Variants in CNTNAP5 observed in about 807,000 individuals in gnomAD.
The protein encoded by CNTNAP5 is contactin associated protein family member 5.
A neutral mutation model predicts 150.2 loss-of-function variants in CNTNAP5; 72 were observed. That is an observed-to-expected ratio of 0.48 (90% CI 0.40 to 0.58). CNTNAP5 has a LOEUF of 0.58. Among genes scored for constraint, CNTNAP5 ranks in the 20% least tolerant of loss-of-function variants. The pLI is 0.00. For synonymous variants in CNTNAP5, 672 were observed against 619.8 expected (o/e 1.08, Z -1.25); for missense variants, 1,636 against 1,626.2 (o/e 1.01, Z -0.10).
chr2:124,802,266 C>A (rs1355306140), intron 19 of CNTNAP5, among the ~76,000 whole-genome samples: 1 of 152,134 alleles, frequency 6.6e-6, no homozygotes, highest in African/African-American at 2.4e-5. Flanking sequence ...GAAAGAAGAT[C>A]AACGTGATTC....
intron 12 of CNTNAP5, among the ~76,000 whole-genome samples, chr2:124,641,687 G>T (rs571696583): frequency 3.9e-5 from 6 of 152,262 alleles, no homozygotes; most frequent in Admixed American, 3.3e-4. Context: ...ATTACAATAG[G>T]AGTATAAGTG....
chr2:124,377,165 T>A (rs955145094), intron 3 of CNTNAP5, among the ~76,000 whole-genome samples: 12 of 152,106 alleles, frequency 7.9e-5, no homozygotes, highest in African/African-American at 2.9e-4. Context: ...TAGACAGAAC[T>A]CAGGCTCACC....
At chr2:124,859,340 A>G (rs554886791) in intron 19 of CNTNAP5, among the ~76,000 whole-genome samples, 2 of 152,362 alleles carry the variant, frequency 1.3e-5, no homozygotes, top group East Asian at 3.9e-4. Flanking sequence ...AGAGAAATGC[A>G]AATCAAAACC....
In CNTNAP5 at chr2:124,554,405, T is replaced by C. The variant is rs76016874; in HGVS notation, c.1650-8812T>C. Among the ~76,000 whole-genome samples, 810 of 149,172 alleles carry C rather than the reference T, an allele frequency of 5.4e-3. 10 individuals are homozygous for C. The highest frequency in any genetic ancestry group is 0.019 in the African/African-American group (763 of 40,966). ...GATTTCAATTAAGGATCTAAATCAG[T>C]TGTCTCATACTTTTTTCTTTTTTTT... On this transcript the variant is annotated intron_variant, in intron 10 of 23. Coordinates refer to ENST00000682447, the MANE Select transcript of CNTNAP5 (RefSeq NM_001367498.1).
chr2:124,072,096 T>G (rs1283798483), intron 1 of CNTNAP5, among the ~76,000 whole-genome samples: 1 of 152,024 alleles, frequency 6.6e-6, no homozygotes, highest in Non-Finnish European at 1.5e-5. Context: ...TCAATCAGTG[T>G]GATACATCTT....
chr2:124,780,776 T>A (rs1681433082), intron 17 of CNTNAP5, among the ~76,000 whole-genome samples: 1 of 152,188 alleles, frequency 6.6e-6, no homozygotes, highest in Non-Finnish European at 1.5e-5. Flanking sequence ...AGAAATAAAC[T>A]GAAAGCTGAC....
chr2:124,581,049 A>G (rs1211961406), intron 11 of CNTNAP5, among the ~76,000 whole-genome samples: 4 of 152,166 alleles, frequency 2.6e-5, no homozygotes, highest in Non-Finnish European at 5.9e-5. Flanking sequence ...TGTGATGGAT[A>G]TGATAGGGAA....
At chr2:124,726,853 G>A (rs186357422) in intron 13 of CNTNAP5, among the ~76,000 whole-genome samples, 24 of 151,196 alleles carry the variant, frequency 1.6e-4, no homozygotes, top group Admixed American at 2.6e-4. Context: ...CAGTCCCTCT[G>A]GTTTATTTTT....
chr2:124,860,275 G>T (rs1374261298), intron 19 of CNTNAP5, among the ~76,000 whole-genome samples: 1 of 151,920 alleles, frequency 6.6e-6, no homozygotes, highest in African/African-American at 2.4e-5. Context: ...GTGTGAACCC[G>T]GGAGGCGGAG....
intron 12 of CNTNAP5, among the ~76,000 whole-genome samples, chr2:124,624,021 T>G (rs1504023): frequency 1.4e-4 from 22 of 152,010 alleles, no homozygotes; most frequent in Non-Finnish European, 2.6e-4. Context: ...TTTATGATGT[T>G]GACCAAAGTG....
chr2:124,661,693 T>C, intron 13 of CNTNAP5, among the ~76,000 whole-genome samples: 1 of 152,114 alleles, frequency 6.6e-6, no homozygotes, highest in East Asian at 1.9e-4. Flanking sequence ...CATAATTAAA[T>C]GTGCCATACT....
intron 13 of CNTNAP5, among the ~76,000 whole-genome samples, chr2:124,706,880 A>AAGAAGAGGAAGAGGAAGAAGG (rs140915064): frequency 0.026 from 1,199 of 46,040 alleles, 121 homozygotes; most frequent in Non-Finnish European, 0.038. Flanking sequence ...GAAAGGGAAG[A>AAGAAGAGGAAGAGGAAGAAGG]AGAAGAGGAA....
At chr2:124,111,182 A>C (rs1181371803) in intron 1 of CNTNAP5, among the ~76,000 whole-genome samples, 1 of 152,206 alleles carries the variant, frequency 6.6e-6, no homozygotes, top group Non-Finnish European at 1.5e-5. Context: ...CAAATTCCAT[A>C]CACACTTGGG....
intron 10 of CNTNAP5, among the ~76,000 whole-genome samples, chr2:124,536,428 G>T (rs895870175): frequency 5.3e-5 from 8 of 152,004 alleles, no homozygotes; most frequent in African/African-American, 1.9e-4. Flanking sequence ...AGAAATGTGG[G>T]TTGGGGGCCG....
At chr2:124,505,969 G>A (rs1430763091) in intron 8 of CNTNAP5, among the ~76,000 whole-genome samples, 1 of 152,170 alleles carries the variant, frequency 6.6e-6, no homozygotes, top group Non-Finnish European at 1.5e-5. Context: ...CAACTGGACT[G>A]CATGGTTCTT....
chr2:124,558,330 A>C (rs2104925497), intron 10 of CNTNAP5, among the ~76,000 whole-genome samples: 1 of 152,292 alleles, frequency 6.6e-6, no homozygotes, highest in Non-Finnish European at 1.5e-5. Context: ...TTCAAGTTTA[A>C]GAACCTGGGT....
At chr2:124,700,169 G>A (rs1177854926) in intron 13 of CNTNAP5, among the ~76,000 whole-genome samples, 1 of 152,088 alleles carries the variant, frequency 6.6e-6, no homozygotes, top group Non-Finnish European at 1.5e-5. Context: ...TTCATGATTT[G>A]TCCATGTTGT....
chr2:124,188,621 A>T, intron 1 of CNTNAP5, among the ~76,000 whole-genome samples: 1 of 146,402 alleles, frequency 6.8e-6, no homozygotes, highest in East Asian at 2.2e-4. Flanking sequence ...TGGGAGGCTG[A>T]GGCAGGAGAA....
chr2:124,143,846 C>A (rs1489503209), intron 1 of CNTNAP5, among the ~76,000 whole-genome samples: 16 of 64,758 alleles, frequency 2.5e-4, no homozygotes. Context: ...AAGAGGAAGT[C>A]AAATTGTCCC....
Sources: gnomAD v4.1 joint callset for allele counts (sites outside exome capture counted in the v4.1 genomes callset) on GRCh38, gnomAD v4.1.1 for gene constraint, MANE v1.5 for transcripts, NCBI Gene and HGNC (gene_info 2026-07-23, HGNC 2026-07-21) for gene names.